The following CPED1 variants were observed in gnomAD, a reference collection of about 807,000 sequenced individuals.
CPED1 encodes cadherin-like and PC-esterase domain-containing protein 1.
A neutral mutation model predicts 128.2 loss-of-function variants in CPED1; 114 were observed. That is an observed-to-expected ratio of 0.89 (90% CI 0.76 to 1.04). CPED1 has a LOEUF of 1.04. Ranked by LOEUF, CPED1 falls within the 50% of genes least tolerant of loss-of-function variation. The pLI is 0.00. For synonymous variants in CPED1, 462 were observed against 426.7 expected (o/e 1.08, Z -1.02); for missense variants, 1,211 against 1,207.1 (o/e 1.00, Z -0.05).
chr7:121,089,993 A>G (rs539243347), intron 5 of CPED1, among the ~76,000 whole-genome samples: 17 of 152,328 alleles, frequency 1.1e-4, no homozygotes, highest in African/African-American at 4.1e-4. Context: ...TAGGGCAAGA[A>G]AATTGAAGTA....
At chr7:121,285,396 A>G (rs1020852244) in intron 22 of CPED1, among the ~76,000 whole-genome samples, 1 of 152,172 alleles carries the variant, frequency 6.6e-6, no homozygotes, top group Admixed American at 6.5e-5. Context: ...TTGGCTCCTC[A>G]TTACTGATGC....
chr7:120,990,315 T>G (rs1796289675), intron 2 of CPED1, among the ~76,000 whole-genome samples: 1 of 152,196 alleles, frequency 6.6e-6, no homozygotes, highest in South Asian at 2.1e-4. Context: ...AGTTTCATTT[T>G]GTAACTAGCT....
chr7:121,054,152 C>G (rs1793432461), intron 4 of CPED1, among the ~76,000 whole-genome samples: 1 of 152,174 alleles, frequency 6.6e-6, no homozygotes, highest in Non-Finnish European at 1.5e-5. Context: ...TTTGAGCTCT[C>G]TCAGCAGAGA....
intron 22 of CPED1, among the ~76,000 whole-genome samples, chr7:121,284,188 T>A (rs1009848620): frequency 6.6e-6 from 1 of 152,100 alleles, no homozygotes; most frequent in African/African-American, 2.4e-5. Context: ...GGGGGAAAAG[T>A]CCCTTATAAA....
chr7:121,079,985 T>A (rs1214209679), intron 5 of CPED1, among the ~76,000 whole-genome samples: 2 of 152,206 alleles, frequency 1.3e-5, no homozygotes, highest in Non-Finnish European at 2.9e-5. Flanking sequence ...AGAAAGATAT[T>A]CAGTTTTTTG....
At chr7:121,285,593 A>C (rs1410535686) in intron 22 of CPED1, among the ~76,000 whole-genome samples, 1 of 152,212 alleles carries the variant, frequency 6.6e-6, no homozygotes, top group Non-Finnish European at 1.5e-5. Context: ...TCTCTAGGGC[A>C]GGGGCAAAAT....
chr7:121,132,480 A>T (rs915283207), intron 12 of CPED1, among the ~76,000 whole-genome samples: 2 of 152,060 alleles, frequency 1.3e-5, no homozygotes. Flanking sequence ...ATTGTCTTGT[A>T]GCAACGAGGT....
intron 18 of CPED1, 54 bp from the exon 19 acceptor site, chr7:121,266,173 C>A: frequency 7.4e-7 from 1 of 1,359,186 alleles, no homozygotes. Flanking sequence ...TAAACTATCT[C>A]CTGTACCATG....
chr7:121,130,005 C>G, intron 11 of CPED1, 120 bp from the exon 12 acceptor site: 1 of 854,174 alleles, frequency 1.2e-6, no homozygotes, highest in Non-Finnish European at 1.8e-6. Flanking sequence ...ATGGTACTGA[C>G]CAATGGATTT....
chr7:121,240,793 G>A (rs977886236), intron 17 of CPED1, among the ~76,000 whole-genome samples: 1 of 132,538 alleles, frequency 7.5e-6, no homozygotes, highest in Admixed American at 7.6e-5. Context: ...GACGGGGAAG[G>A]GAGGGAGAAA....
intron 18 of CPED1, among the ~76,000 whole-genome samples, chr7:121,259,038 T>C (rs1791951755): frequency 6.6e-6 from 1 of 152,054 alleles, no homozygotes; most frequent in African/African-American, 2.4e-5. Context: ...AGTGCTCTGC[T>C]TTCTTTAGAA....
intron 18 of CPED1, among the ~76,000 whole-genome samples, chr7:121,245,796 G>A (rs938011912): frequency 6.6e-5 from 10 of 150,854 alleles, no homozygotes; most frequent in Non-Finnish European, 1.2e-4. Flanking sequence ...GTTCAAGCGC[G>A]TCTCCTGCCT....
At chr7:121,246,099 C>T (rs1299735378) in intron 18 of CPED1, among the ~76,000 whole-genome samples, 1 of 152,150 alleles carries the variant, frequency 6.6e-6, no homozygotes, top group Non-Finnish European at 1.5e-5. Context: ...CCAGACTTCT[C>T]TAAGCTCAGA....
intron 2 of CPED1, among the ~76,000 whole-genome samples, chr7:120,995,477 A>G (rs1796382016): frequency 6.6e-6 from 1 of 152,134 alleles, no homozygotes; most frequent in Non-Finnish European, 1.5e-5. Context: ...CTTGTTTTAT[A>G]CTTTTCCTTG....
chr7:121,097,675 T>C (rs371873114), intron 5 of CPED1, 24 bp from the exon 6 acceptor site: 17 of 1,612,370 alleles, frequency 1.1e-5, no homozygotes, highest in Non-Finnish European at 1.3e-5. Context: ...AATGACTGTC[T>C]TCTGCTCTCT....
Position 121,266,320 on chromosome 7 carries a change from G to A in CPED1, c.2404G>A (p.Gly802Ser), listed in dbSNP as rs1368218299. The A allele has an allele frequency of 2.5e-6, 4 of 1,613,008 alleles. No homozygotes were observed. The highest frequency in any genetic ancestry group is 3.4e-6 in the Non-Finnish European group (4 of 1,179,374). Residue 802 changes from glycine to serine, a missense_variant, in exon 19 of 23, where the codon GGC becomes AGC. Physicochemically the swap from Gly to Ser is moderately conservative, Grantham distance 56. Transcript: ENST00000310396. Reference sequence around the variant, plus strand: ...GTTGCAGGAATGGCAGAAAGTACATGGCACTAAATTCTATCACAACGTCAA... The same window carrying A: ...GTTGCAGGAATGGCAGAAAGTACATAGCACTAAATTCTATCACAACGTCAA... The part of the protein sequence containing the change: ...ETLQEWQKVH[G>S]TKFYHNVNGG...
intron 16 of CPED1, among the ~76,000 whole-genome samples, chr7:121,173,828 A>G (rs888981995): frequency 6.6e-6 from 1 of 152,072 alleles, no homozygotes; most frequent in African/African-American, 2.4e-5. Flanking sequence ...ATAATGATTG[A>G]ATTGATATAC....
At chr7:121,112,460 C>T (rs938203730) in intron 7 of CPED1, among the ~76,000 whole-genome samples, 7 of 125,804 alleles carry the variant, frequency 5.6e-5, no homozygotes, top group African/African-American at 2.1e-4. Flanking sequence ...GAGTTTTGCA[C>T]CCACAAGCCA....
chr7:121,250,574 G>A (rs1430383014), intron 18 of CPED1, among the ~76,000 whole-genome samples: 2 of 152,114 alleles, frequency 1.3e-5, no homozygotes, highest in Admixed American at 1.3e-4. Context: ...TAGACCGCTA[G>A]CAAGACTAAT....
Sources: gnomAD v4.1 joint callset for allele counts (sites outside exome capture counted in the v4.1 genomes callset) on GRCh38, gnomAD v4.1.1 for gene constraint, MANE v1.5 for transcripts, NCBI Gene and HGNC (gene_info 2026-07-23, HGNC 2026-07-21) for gene names.